Variants in PACRG observed in about 807,000 individuals in gnomAD.
The protein encoded by PACRG is parkin coregulated, also known as parkin coregulated gene protein.
Under a neutral mutation model 29.7 loss-of-function variants are expected in PACRG, and 29 were observed. That is an observed-to-expected ratio of 0.98 (90% CI 0.73 to 1.33). The LOEUF (loss-of-function observed/expected upper bound fraction) is 1.33, where lower values mean the gene tolerates loss of function less well. Ranked by LOEUF, PACRG falls within the 40% of genes most tolerant of loss-of-function variation. The probability of loss-of-function intolerance (pLI) is 0.00; values close to 1 mark genes in which losing one functional copy is unlikely to be tolerated. For synonymous variants in PACRG, 116 were observed against 118.7 expected (o/e 0.98, Z 0.15); for missense variants, 279 against 316.2 (o/e 0.88, Z 0.89).
At chr6:163,111,139 G>A (rs1034501076) in intron 4 of PACRG, among the ~76,000 whole-genome samples, 2 of 152,012 alleles carry the variant, frequency 1.3e-5, no homozygotes, top group African/African-American at 2.4e-5. Context: ...AGCCTTTTAC[G>A]CTAGAACCTG....
intron 4 of PACRG, chr6:163,112,119 A>G (rs1815748167): frequency 1.1e-5 from 9 of 817,478 alleles, no homozygotes; most frequent in Non-Finnish European, 1.2e-5. Context: ...AGTAAAAAGC[A>G]CCAGGCATCT....
intron 2 of PACRG, among the ~76,000 whole-genome samples, chr6:162,978,139 A>G (rs1377369678): frequency 1.0e-5 from 1 of 96,548 alleles, no homozygotes; most frequent in Admixed American, 9.6e-5. Flanking sequence ...GTGAGACTCC[A>G]TCTCAAAAAA....
At chr6:163,123,732 A>C (rs777163587) in intron 4 of PACRG, among the ~76,000 whole-genome samples, 1 of 152,226 alleles carries the variant, frequency 6.6e-6, no homozygotes, top group Non-Finnish European at 1.5e-5. Flanking sequence ...TAGATGCTCC[A>C]TATAAGAGGA....
chr6:162,818,881 T>C (rs1362248066), intron 2 of PACRG, among the ~76,000 whole-genome samples: 6 of 152,130 alleles, frequency 3.9e-5, no homozygotes, highest in African/African-American at 1.4e-4. Flanking sequence ...TGTAATCCTC[T>C]AGGAAAATCA....
rs137909434 is a variant in PACRG, at chr6:163,256,223, G to T, written c.614-58604G>T. Among the ~76,000 whole-genome samples, 61 of 152,184 alleles carry T rather than the reference G, an allele frequency of 4.0e-4. 1 individual carries two copies. The highest frequency in any genetic ancestry group is 1.4e-3 in the African/African-American group (57 of 41,532). ...GCTATTAATCCTCCCCCACTGCTTTGTACTGCCTGTTTTACTGTATATTCC... is the reference window on the plus strand; with the variant it reads ...GCTATTAATCCTCCCCCACTGCTTTTTACTGCCTGTTTTACTGTATATTCC... On this transcript the variant is annotated intron_variant, in intron 4 of 4. Transcript: ENST00000366888.
Position 163,062,303 on chromosome 6 carries a change from C to T in PACRG, c.445C>T (p.Leu149Phe), listed in dbSNP as rs1387757415. 3 of 1,610,450 alleles carry T rather than the reference C, an allele frequency of 1.9e-6. No homozygotes were observed. Among genetic ancestry groups the T allele is most frequent in the Non-Finnish European group, 2.5e-6 (3 of 1,178,932 alleles). The change falls in exon 3 of 5, where the codon CTC becomes TTC. Residue 149 changes from leucine (L) to phenylalanine (F), a missense_variant. Transcript: ENST00000366888. ...CAAGATCCTACCTGTCCTTCCACAG[C>T]TCATTATCCCGATAAAAAGTAAGTG... ...GNKILPVLPQ[L>F]IIPIKNALNL...
chr6:162,894,182 C>T (rs1794990852), intron 2 of PACRG, among the ~76,000 whole-genome samples: 2 of 152,190 alleles, frequency 1.3e-5, no homozygotes, highest in South Asian at 4.1e-4. Flanking sequence ...TATTTCTACA[C>T]TAGCCTCCCT....
chr6:163,146,430 T>A (rs1324927463), intron 4 of PACRG, among the ~76,000 whole-genome samples: 2 of 152,184 alleles, frequency 1.3e-5, no homozygotes, highest in Admixed American at 1.3e-4. Context: ...GTCGTGAAAC[T>A]CCCATCTGTC....
chr6:163,136,882 A>G (rs1392205836), intron 4 of PACRG, among the ~76,000 whole-genome samples: 1 of 152,230 alleles, frequency 6.6e-6, no homozygotes, highest in Admixed American at 6.5e-5. Context: ...TTTTGTTTTC[A>G]TTGTAAATGC....
chr6:162,864,625 T>A (rs1341609915), intron 2 of PACRG, among the ~76,000 whole-genome samples: 1 of 152,202 alleles, frequency 6.6e-6, no homozygotes, highest in Non-Finnish European at 1.5e-5. Flanking sequence ...GCTTTCACGT[T>A]TAAATGAACT....
At chr6:163,053,780 T>G (rs1454646221) in intron 2 of PACRG, 1 of 152,168 alleles carries the variant, frequency 6.6e-6, no homozygotes, top group African/African-American at 2.4e-5. Context: ...CGACCCTCGG[T>G]GCAGCTGCCC....
At chr6:163,103,572 T>C (rs969117920) in intron 4 of PACRG, among the ~76,000 whole-genome samples, 1 of 152,196 alleles carries the variant, frequency 6.6e-6, no homozygotes, top group African/African-American at 2.4e-5. Flanking sequence ...TGTTTTAAGG[T>C]CAGCAGATTA....
At chr6:162,797,141 G>A (rs981186375) in intron 1 of PACRG, among the ~76,000 whole-genome samples, 6 of 152,136 alleles carry the variant, frequency 3.9e-5, no homozygotes, top group African/African-American at 1.4e-4. Context: ...ACCAGGTGTG[G>A]CACATGCCTG....
chr6:162,798,663 T>C (rs1178404505), intron 1 of PACRG, among the ~76,000 whole-genome samples: 2 of 152,198 alleles, frequency 1.3e-5, no homozygotes, highest in Non-Finnish European at 2.9e-5. Context: ...ACCAAGGCAC[T>C]AAAGGAGGCT....
intron 1 of PACRG, among the ~76,000 whole-genome samples, chr6:162,784,384 G>T (rs2128317087): frequency 6.6e-6 from 1 of 152,268 alleles, no homozygotes; most frequent in South Asian, 2.1e-4. Flanking sequence ...TGCGTGGAAA[G>T]GACTGTGAGG....
chr6:163,305,407 G>A (rs973008258), intron 4 of PACRG, among the ~76,000 whole-genome samples: 9 of 152,032 alleles, frequency 5.9e-5, no homozygotes, highest in Admixed American at 2.0e-4. Context: ...GGTTCTCCTC[G>A]TGCCTCTGGT....
chr6:163,026,365 A>G (rs987230753), intron 2 of PACRG, among the ~76,000 whole-genome samples: 1 of 152,214 alleles, frequency 6.6e-6, no homozygotes, highest in African/African-American at 2.4e-5. Flanking sequence ...ATTTTGGTGC[A>G]GTTTAACTAT....
At chr6:163,164,243 C>T (rs60830749) in intron 4 of PACRG, among the ~76,000 whole-genome samples, 1,766 of 152,306 alleles carry the variant, frequency 0.012, 36 homozygotes, top group African/African-American at 0.039. Context: ...CTGCAATAGC[C>T]ATAATCTCCC....
At chr6:162,995,158 G>T (rs1803870027) in intron 2 of PACRG, among the ~76,000 whole-genome samples, 1 of 150,056 alleles carries the variant, frequency 6.7e-6, no homozygotes, top group South Asian at 2.1e-4. Context: ...GTCAGACAGG[G>T]ACATTTAAGT....
Sources: allele counts gnomAD v4.1 joint callset (sites outside exome capture counted in the v4.1 genomes callset), GRCh38; gene constraint gnomAD v4.1.1; transcripts MANE v1.5; gene names NCBI Gene and HGNC (gene_info 2026-07-23, HGNC 2026-07-21).